ZBBX: variants seen among roughly 807,000 people sequenced by gnomAD.
The protein encoded by ZBBX is zinc finger B-box domain-containing protein 1.
Under a neutral mutation model 108.5 loss-of-function variants are expected in ZBBX, and 101 were observed. The ratio of observed to expected loss-of-function variants is 0.93; its 90% confidence interval spans 0.79 to 1.10. The LOEUF is 1.10. Ranked by LOEUF, ZBBX falls within the 50% of genes least tolerant of loss-of-function variation. The pLI is 0.00. For missense variants in ZBBX, 1,009 were observed against 941.4 expected, an observed-to-expected ratio of 1.07 and a Z score of -0.94; for synonymous variants, 356 against 323.4, an observed-to-expected ratio of 1.10 and a Z score of -1.08.
chr3:167,192,483 A>ACACC, the ZBBX span, among the ~76,000 whole-genome samples: 1 of 152,162 alleles, frequency 6.6e-6, no homozygotes, highest in Non-Finnish European at 1.5e-5. Flanking sequence ...TTTCTGTTGA[A>ACACC]AAGTCTGTAT....
At chr3:167,378,910 A>G (rs1263994891) in intron 2 of ZBBX, among the ~76,000 whole-genome samples, 2 of 152,068 alleles carry the variant, frequency 1.3e-5, no homozygotes, top group East Asian at 1.9e-4. Flanking sequence ...TTGCTATTGT[A>G]TGTTACCTTG....
rs956238692 is a variant in ZBBX, at chr3:167,260,762, A to G, written c.2255-18119T>C. Among the ~76,000 whole-genome samples the G allele has an allele frequency of 2.1e-4, 32 of 152,172 alleles. 1 individual carries two copies. The highest frequency in any genetic ancestry group is 7.3e-5 in the Non-Finnish European group (5 of 68,032). On this transcript the variant is annotated intron_variant, in intron 20 of 21. Coordinates refer to ENST00000675490, the MANE Select transcript of ZBBX (RefSeq NM_001199201.2). ...ATCATATTTTGAATTTCCTTGCATT[A>G]GGCTTCGCATTTCTCTGGTTCCTCC...
At chr3:167,322,470 T>A (rs2108326222) in intron 11 of ZBBX, among the ~76,000 whole-genome samples, 1 of 152,132 alleles carries the variant, frequency 6.6e-6, no homozygotes, top group Non-Finnish European at 1.5e-5. Flanking sequence ...GATCTTATGA[T>A]TCAGAAGGTT....
chr3:167,273,712 A>G (rs576357489), intron 20 of ZBBX, among the ~76,000 whole-genome samples: 10 of 152,170 alleles, frequency 6.6e-5, no homozygotes, highest in Admixed American at 1.3e-4. Context: ...CTCTTGTCCA[A>G]TTGGCTATCC....
intron 19 of ZBBX, 76 bp downstream of exon 19, chr3:167,288,791 C>T: frequency 3.4e-6 from 3 of 892,098 alleles, no homozygotes; most frequent in Non-Finnish European, 4.8e-6. Flanking sequence ...CAGGTGCCTA[C>T]TAAACTGCTA....
At chr3:167,369,184 T>C (rs2108583710) in intron 4 of ZBBX, among the ~76,000 whole-genome samples, 1 of 152,312 alleles carries the variant, frequency 6.6e-6, no homozygotes, top group South Asian at 2.1e-4. Flanking sequence ...AGACATTTTC[T>C]TCATTTTACG....
At chr3:167,315,675 A>G in intron 15 of ZBBX, 75 bp downstream of exon 15, 1 of 1,080,448 alleles carries the variant, frequency 9.3e-7, no homozygotes, top group Non-Finnish European at 1.4e-6. Context: ...TTTCACATTT[A>G]AAAAGACAGA....
At chr3:167,319,662 C>G (rs1736088841) in intron 12 of ZBBX, among the ~76,000 whole-genome samples, 1 of 151,944 alleles carries the variant, frequency 6.6e-6, no homozygotes, top group South Asian at 2.1e-4. Context: ...CACACAAAGA[C>G]TGTACTCTAG....
intron 2 of ZBBX, among the ~76,000 whole-genome samples, chr3:167,377,010 T>G (rs1207442093): frequency 6.6e-6 from 1 of 152,216 alleles, no homozygotes; most frequent in Non-Finnish European, 1.5e-5. Flanking sequence ...TACTTCCTTG[T>G]GTCTTTTGGT....
chr3:167,283,334 C>T (rs1395614222), intron 19 of ZBBX, among the ~76,000 whole-genome samples: 8 of 152,094 alleles, frequency 5.3e-5, no homozygotes, highest in African/African-American at 7.2e-5. Flanking sequence ...TTTCAAGGTA[C>T]ATATTTAAAA....
At chr3:167,183,837 G>T in the ZBBX span, among the ~76,000 whole-genome samples, 1 of 152,158 alleles carries the variant, frequency 6.6e-6, no homozygotes, top group African/African-American at 2.4e-5. Context: ...TCACAGTGCT[G>T]CAGAGATTAT....
chr3:167,267,627 C>A (rs1025991652), intron 20 of ZBBX, among the ~76,000 whole-genome samples: 19 of 152,256 alleles, frequency 1.2e-4, no homozygotes, highest in African/African-American at 4.1e-4. Flanking sequence ...AATCTTCTGG[C>A]CAGTTTGGGT....
chr3:167,240,775 G>A lies in ZBBX; in HGVS notation c.*18C>T. ...TTACTCTGGGTACAAAATGGAAACA[G>A]TAATGAACAAATAATCTTTAAGTAC... On this transcript the variant is annotated 3_prime_UTR_variant, in exon 22 of 22. Transcript: ENST00000675490. 1 of 1,609,652 alleles carries A rather than the reference G, an allele frequency of 6.2e-7. No individual in the cohort carries two copies. Among genetic ancestry groups the A allele is most frequent in the Non-Finnish European group, 8.5e-7 (1 of 1,177,508 alleles).
intron 1 of ZBBX, among the ~76,000 whole-genome samples, chr3:167,406,466 A>G (rs1748590028): frequency 6.6e-6 from 1 of 152,118 alleles, no homozygotes; most frequent in South Asian, 2.1e-4. Flanking sequence ...CATCCCTGTG[A>G]TCCCAACACT....
the ZBBX span, among the ~76,000 whole-genome samples, chr3:167,205,192 C>T: frequency 2.0e-5 from 3 of 151,936 alleles, no homozygotes. Context: ...TGAACTTTTC[C>T]ATAGAAGGTC....
intron 20 of ZBBX, among the ~76,000 whole-genome samples, chr3:167,279,397 T>A (rs1156342520): frequency 6.6e-6 from 1 of 151,952 alleles, no homozygotes; most frequent in African/African-American, 2.4e-5. Flanking sequence ...ACTTCAGCAA[T>A]GTCTCAGGAT....
intron 10 of ZBBX, among the ~76,000 whole-genome samples, chr3:167,330,964 T>TCTCTCTCTCTCTCTC (rs1310209358): frequency 2.7e-5 from 4 of 145,830 alleles, no homozygotes; most frequent in South Asian, 2.3e-4. Flanking sequence ...TCTCTCTCTC[T>TCTCTCTCTCTCTCTC]CCCCCACTCC....
the ZBBX span, among the ~76,000 whole-genome samples, chr3:167,184,231 A>C: frequency 1.3e-5 from 2 of 152,234 alleles, no homozygotes; most frequent in Non-Finnish European, 1.5e-5. Flanking sequence ...TCATTATGCC[A>C]AGAGAAAAAG....
At chr3:167,348,253 G>A (rs1279421494) in intron 9 of ZBBX, among the ~76,000 whole-genome samples, 2 of 67,522 alleles carry the variant, frequency 3.0e-5, no homozygotes, top group African/African-American at 5.8e-5. Flanking sequence ...GAGGGAGGGA[G>A]GGTGGAAGGG....
Sources: gnomAD v4.1 joint callset for allele counts (sites outside exome capture counted in the v4.1 genomes callset) on GRCh38, gnomAD v4.1.1 for gene constraint, MANE v1.5 for transcripts, NCBI Gene and HGNC (gene_info 2026-07-23, HGNC 2026-07-21) for gene names.